IL16: variants seen among roughly 807,000 people sequenced by gnomAD.
The protein encoded by IL16 is interleukin 16.
Under a neutral mutation model 110.1 loss-of-function variants are expected in IL16, and 67 were observed. The ratio of observed to expected loss-of-function variants is 0.61; its 90% confidence interval spans 0.50 to 0.75. The LOEUF (loss-of-function observed/expected upper bound fraction) is 0.75, where lower values mean the gene tolerates loss of function less well. Among genes scored for constraint, IL16 ranks in the 30% least tolerant of loss-of-function variants. The pLI, the probability that IL16 is intolerant of heterozygous loss-of-function variation, is 0.00. For missense variants in IL16, 1,545 were observed against 1,655.0 expected, an observed-to-expected ratio of 0.93 and a Z score of 1.15; for synonymous variants, 689 against 662.9, an observed-to-expected ratio of 1.04 and a Z score of -0.61.
At position 81,225,630 on chromosome 15, in the gene IL16, A is replaced by G. The variant is rs1489532952; in HGVS notation, c.231A>G (p.Leu77=). ...CTGGGCCCAGCAGTGTTCCTGATCT[A>G]GCACTGGCCTCGGAGGCTGCTCAAC... ...SEAGPSSVPD[L]ALASEAAQLQ... The change falls in exon 2 of 19, where the codon CTA becomes CTG. Residue 77 remains leucine, a synonymous_variant. Transcript: ENST00000683961. The G allele has an allele frequency of 1.2e-6, 2 of 1,614,054 alleles. No individual in the cohort carries two copies. Among genetic ancestry groups the G allele is most frequent in the South Asian group, 2.2e-5 (2 of 91,082 alleles).
rs541558401 is a variant in IL16 at position 81,306,483 on chromosome 15, T to C, written c.3743T>C (p.Leu1248Pro). 2 of 1,613,356 alleles carry C rather than the reference T, an allele frequency of 1.2e-6. No individual in the cohort carries two copies. Among genetic ancestry groups the C allele is most frequent in the East Asian group, 2.2e-5 (1 of 44,780 alleles). ...ATGTCGGCAGGGCTGGGCTTCAGCCTGGAAGGAGGGAAGGGCTCCCTACAC... is the reference window on the plus strand; with the variant it reads ...ATGTCGGCAGGGCTGGGCTTCAGCCCGGAAGGAGGGAAGGGCTCCCTACAC... ...EKMSAGLGFS[L>P]EGGKGSLHGD... is the part of the protein sequence containing the mutation. The change falls in exon 18 of 19, where the codon CTG becomes CCG. Residue 1248 changes from leucine to proline, a missense_variant. Physicochemically the swap from Leu to Pro is moderately conservative, Grantham distance 98. Around this residue, in one of 3 missense-constraint regions of IL16, gnomAD observed 356 missense variants for 399.3 expected, o/e 0.89. Coordinates refer to ENST00000683961, the MANE Select transcript of IL16 (RefSeq NM_172217.5).
At chr15:81,245,880 T>C (rs1272006895) in intron 2 of IL16, among the ~76,000 whole-genome samples, 1 of 152,050 alleles carries the variant, frequency 6.6e-6, no homozygotes, top group Non-Finnish European at 1.5e-5. Context: ...TCTTGCTACC[T>C]TTCAGAGTCT....
At position 81,197,167 on chromosome 15, in the gene IL16, G is replaced by C. The variant is rs1396175017; in HGVS notation, c.-102+15G>C. 7.8e-7 allele frequency: 1 copy of C among 1,286,496 alleles called. No homozygotes were observed. The highest frequency in any genetic ancestry group is 1.0e-6 in the Non-Finnish European group (1 of 987,124). The allele number at this position is 1,286,496 out of a possible 1,614,324, so 79.7% of individuals were successfully genotyped here. On this transcript the variant is annotated intron_variant, in intron 1 of 18. Coordinates refer to ENST00000683961, the MANE Select transcript of IL16 (RefSeq NM_172217.5). ...GTGGGCACCAGGTGAGTGAATGTCT[G>C]TCAGGCAGCTGCTCTGTCCAGGTGG...
At chr15:81,221,371 C>G (rs1197325964) in intron 1 of IL16, among the ~76,000 whole-genome samples, 2 of 152,188 alleles carry the variant, frequency 1.3e-5, no homozygotes, top group African/African-American at 2.4e-5. Context: ...GACAAGTCGT[C>G]ATAGAGCCTG....
Position 81,225,711 on chromosome 15 carries a change from G to A in IL16, c.312G>A (p.Lys104=), listed in dbSNP as rs1896767654. 4 of 1,597,118 alleles carry A rather than the reference G, an allele frequency of 2.5e-6. No individual in the cohort carries two copies. Among genetic ancestry groups the A allele is most frequent in the East Asian group, 2.3e-5 (1 of 44,364 alleles). ...GKTCRRIFFM[K]ESSTASSREK... ...CCTGTAGGAGGATATTCTTCATGAA[G>A]GTATGCCCAGGCTTTGCAGGCCTGA... is the stretch of plus-strand genomic sequence containing the variant. The change falls in exon 2 of 19, where the codon AAG becomes AAA. Residue 104 remains lysine, a splice_region_variant and synonymous_variant. Coordinates refer to ENST00000683961, the MANE Select transcript of IL16 (RefSeq NM_172217.5).
chr15:81,195,208 C>G (rs1272089641), upstream of IL16, among the ~76,000 whole-genome samples: 1 of 152,126 alleles, frequency 6.6e-6, no homozygotes, highest in Non-Finnish European at 1.5e-5. Context: ...ATTCAGGTGC[C>G]GATGACAAGA....
chr15:81,249,792 G>C (rs1207138491), intron 2 of IL16, among the ~76,000 whole-genome samples: 1 of 151,878 alleles, frequency 6.6e-6, no homozygotes, highest in African/African-American at 2.4e-5. Context: ...TTCCCTTCTT[G>C]TGGAACACTG....
chr15:81,240,449 G>A (rs1476527022), intron 2 of IL16, among the ~76,000 whole-genome samples: 2 of 151,728 alleles, frequency 1.3e-5, no homozygotes, highest in African/African-American at 4.8e-5. Flanking sequence ...TTCTGAAGTG[G>A]TTATACCAAT....
At chr15:81,184,658 C>T (rs2141905718) in intron 1 of IL16, among the ~76,000 whole-genome samples, 1 of 152,330 alleles carries the variant, frequency 6.6e-6, no homozygotes, top group Admixed American at 6.5e-5. Context: ...GATGCCCCAT[C>T]AACTACTCAA....
rs1900923170 is a variant in IL16 at position 81,312,640 on chromosome 15, TC to T, written c.*3843del. ...CGGGGATAAAGAGAGAAAAACAAAT[TC>T]ATCAAATGGAAGACACATTGAAAGT... On this transcript the variant is annotated 3_prime_UTR_variant, in exon 19 of 19. Transcript: ENST00000683961. The T allele has an allele frequency of 6.6e-6, 1 of 152,234 alleles. No homozygotes were observed. Among genetic ancestry groups the T allele is most frequent in the African/African-American group, 2.4e-5 (1 of 41,458 alleles). 9.4% of individuals were successfully genotyped at this position (152,234 alleles called of 1,614,324 possible).
rs1477108910 is a variant in IL16 at position 81,300,541 on chromosome 15, A to T, written c.3149+66A>T. Reference sequence around the variant, plus strand: ...CTTTTTCTTTCTCATCTTTATTTTTAAAAATAATCCTATATATAATTTAAA... The same window carrying T: ...CTTTTTCTTTCTCATCTTTATTTTTTAAAATAATCCTATATATAATTTAAA... On this transcript the variant is annotated intron_variant, in intron 14 of 18. Transcript: ENST00000683961. 3 of 1,057,880 alleles carry T rather than the reference A, an allele frequency of 2.8e-6. No individual in the cohort carries two copies. The South Asian group carries it at 4.9e-5, about 17-fold the overall frequency. The allele number at this position is 1,057,880 out of a possible 1,614,324, so 65.5% of individuals were successfully genotyped here. A position where few individuals can be genotyped will look rare whatever the true frequency, so the allele number is the denominator to read the frequency against.
chr15:81,237,569 A>G (rs897058338), intron 2 of IL16, among the ~76,000 whole-genome samples: 2 of 152,200 alleles, frequency 1.3e-5, no homozygotes, highest in Non-Finnish European at 2.9e-5. Context: ...AAGTTTAAGA[A>G]ACAAACCTTA....
At chr15:81,284,376 G>T (rs948263795) in intron 9 of IL16, among the ~76,000 whole-genome samples, 3 of 152,224 alleles carry the variant, frequency 2.0e-5, no homozygotes, top group Non-Finnish European at 4.4e-5. Context: ...ATTAGAAAGG[G>T]ATTTGCTGTT....
intron 2 of IL16, among the ~76,000 whole-genome samples, chr15:81,239,745 A>T (rs1389662131): frequency 6.6e-6 from 1 of 152,014 alleles, no homozygotes; most frequent in Non-Finnish European, 1.5e-5. Flanking sequence ...CTGGTGTTTT[A>T]GCCAGGCTGG....
chr15:81,263,775 C>T (rs60831942), intron 3 of IL16, among the ~76,000 whole-genome samples: 23,949 of 152,134 alleles, frequency 0.16, 2,237 homozygotes, highest in Middle Eastern at 0.23. Context: ...AAAGCATGCA[C>T]CACTGGCCAC....
intron 8 of IL16, among the ~76,000 whole-genome samples, chr15:81,280,210 A>T (rs1287030408): frequency 6.6e-6 from 1 of 151,544 alleles, no homozygotes; most frequent in Non-Finnish European, 1.5e-5. Flanking sequence ...TCCCTTTGCC[A>T]CCCCCCCAGG....
chr15:81,269,194 G>A (rs146638302), intron 4 of IL16, among the ~76,000 whole-genome samples: 61 of 152,354 alleles, frequency 4.0e-4, no homozygotes, highest in Non-Finnish European at 3.7e-4. Flanking sequence ...CTTGGTAGCT[G>A]GCTTCCCAAA....
intron 2 of IL16, among the ~76,000 whole-genome samples, chr15:81,231,770 T>G (rs2142063666): frequency 6.6e-6 from 1 of 152,322 alleles, no homozygotes; most frequent in South Asian, 2.1e-4. Flanking sequence ...AAATAAATTT[T>G]TGTATATGTT....
Position 81,237,206 on chromosome 15 carries a change from G to A in IL16, c.312+11495G>A, listed in dbSNP as rs562743462. On this transcript the variant is annotated intron_variant, in intron 2 of 18. Coordinates refer to ENST00000683961, the MANE Select transcript of IL16 (RefSeq NM_172217.5). The stretch of plus-strand genomic sequence containing the variant: ...AAGGCTCAGCTTCAGTGGAGCATCC[G>A]CCATAAATCTTTTCCTGATCCTCCT... 2.0e-5 allele frequency among the ~76,000 whole-genome samples: 3 copies of A among 152,170 alleles called. No individual in the cohort carries two copies. In the South Asian group the frequency reaches 6.2e-4, roughly 32 times the overall value.
Sources: gnomAD v4.1 joint callset for allele counts (sites outside exome capture counted in the v4.1 genomes callset) on GRCh38, gnomAD v4.1.1 for gene constraint, gnomAD v4.1.1 regional missense constraint, MANE v1.5 for transcripts, NCBI Gene and HGNC (gene_info 2026-07-23, HGNC 2026-07-21) for gene names.